CRYM: variants seen among roughly 807,000 people sequenced by gnomAD.
CRYM encodes the protein crystallin mu.
In CRYM, 18 loss-of-function variants were observed where a neutral mutation model predicts 32.9. The ratio of observed to expected loss-of-function variants is 0.55; its 90% confidence interval spans 0.38 to 0.81. CRYM has a LOEUF of 0.81. Ranked by LOEUF, CRYM falls within the 30% of genes least tolerant of loss-of-function variation. CRYM has a pLI of 0.00. For missense variants in CRYM, 337 were observed against 393.5 expected, an observed-to-expected ratio of 0.86 and a Z score of 1.21; for synonymous variants, 153 against 152.4, an observed-to-expected ratio of 1.00 and a Z score of -0.03.
chr16:21,299,580 G>C (rs1437362255), intron 1 of CRYM, among the ~76,000 whole-genome samples: 1 of 152,210 alleles, frequency 6.6e-6, no homozygotes, highest in East Asian at 1.9e-4. Flanking sequence ...GAAGTGCTGG[G>C]ATTACAGGCG....
rs2093384837 is a variant in CRYM at position 21,275,706 on chromosome 16, C to G, written c.325-112G>C. On this transcript the variant is annotated intron_variant, in intron 2 of 7. Transcript: ENST00000572914. ...AAGTTTTATAGCATCCTACAAACAGCATGGGTTTGGCGTCAGACCTGGATC... is the reference window on the plus strand; with the variant it reads ...AAGTTTTATAGCATCCTACAAACAGGATGGGTTTGGCGTCAGACCTGGATC... 1.1e-5 allele frequency: 9 copies of G among 857,096 alleles called. 1 individual carries two copies. The highest frequency in any genetic ancestry group is 8.4e-5 in the South Asian group (6 of 71,324). The allele number at this position is 857,096 out of a possible 1,614,324, so 53.1% of individuals were successfully genotyped here. A position where few individuals can be genotyped will look rare whatever the true frequency, so the allele number is the denominator to read the frequency against.
At chr16:21,266,192 C>T (rs1473888117) in intron 5 of CRYM, among the ~76,000 whole-genome samples, 1 of 152,084 alleles carries the variant, frequency 6.6e-6, no homozygotes, top group Non-Finnish European at 1.5e-5. Flanking sequence ...CCACTGCACT[C>T]CAGCCTGGGT....
upstream of CRYM, among the ~76,000 whole-genome samples, chr16:21,281,767 C>T (rs12932517): frequency 0.077 from 11,700 of 152,222 alleles, 615 homozygotes; most frequent in Non-Finnish European, 0.11. Flanking sequence ...AATTGTAATA[C>T]ATTTAAATGC....
chr16:21,301,666 C>CCCGCACCTCCTGCCTT (rs1410423673), intron 1 of CRYM, among the ~76,000 whole-genome samples: 2 of 152,232 alleles, frequency 1.3e-5, no homozygotes, highest in Non-Finnish European at 2.9e-5. Context: ...GACAGCTTCA[C>CCCGCACCTCCTGCCTT]CCGCACCTCC....
intron 1 of CRYM, among the ~76,000 whole-genome samples, chr16:21,301,526 T>A (rs1246082386): frequency 1.3e-5 from 2 of 152,004 alleles, no homozygotes; most frequent in Non-Finnish European, 2.9e-5. Flanking sequence ...AACGTTGGGC[T>A]GGTGAGGCAA....
intron 3 of CRYM, among the ~76,000 whole-genome samples, chr16:21,270,574 G>A (rs971321248): frequency 1.1e-4 from 16 of 152,106 alleles, no homozygotes; most frequent in Non-Finnish European, 1.5e-5. Context: ...GTGAGCCACC[G>A]CACCTAGCCA....
chr16:21,267,081 C>T (rs1358874482), intron 5 of CRYM, among the ~76,000 whole-genome samples: 1 of 152,070 alleles, frequency 6.6e-6, no homozygotes, highest in Non-Finnish European at 1.5e-5. Flanking sequence ...TTCCCTTTTA[C>T]ATTTCTTGGA....
intron 3 of CRYM, among the ~76,000 whole-genome samples, chr16:21,275,165 A>C (rs1228002042): frequency 6.6e-6 from 1 of 152,236 alleles, no homozygotes; most frequent in Non-Finnish European, 1.5e-5. Context: ...CAGTCCTGGA[A>C]GCCAGAGAGG....
intron 1 of CRYM, among the ~76,000 whole-genome samples, chr16:21,296,563 G>A (rs954282000): frequency 1.3e-5 from 2 of 152,100 alleles, no homozygotes; most frequent in African/African-American, 4.8e-5. Context: ...TAACACCAAG[G>A]AATATTCTAA....
At chr16:21,275,701 A>G (rs962797624) in intron 2 of CRYM, 107 bp from the exon 3 acceptor site, 24 of 883,018 alleles carry the variant, frequency 2.7e-5, no homozygotes, top group Non-Finnish European at 4.3e-5. Context: ...GCATCCTACA[A>G]ACAGCATGGG....
intron 1 of CRYM, among the ~76,000 whole-genome samples, chr16:21,293,092 A>T (rs1960704247): frequency 6.6e-6 from 1 of 152,204 alleles, no homozygotes; most frequent in East Asian, 1.9e-4. Context: ...AGATTCATAC[A>T]TGTATAGTCA....
At chr16:21,269,932 C>T in intron 3 of CRYM, 41 bp from the exon 4 acceptor site, 1 of 1,424,348 alleles carries the variant, frequency 7.0e-7, no homozygotes, top group South Asian at 1.1e-5. Context: ...AAGGGAGACC[C>T]TAGCAGACGG....
At chr16:21,282,079 T>C (rs560068687), upstream of CRYM, among the ~76,000 whole-genome samples, 18 of 152,320 alleles carry the variant, frequency 1.2e-4, no homozygotes, top group East Asian at 3.3e-3. Context: ...GACTGAATCA[T>C]GGAGGCGGGT....
chr16:21,276,125 C>T (rs554067780), intron 2 of CRYM, among the ~76,000 whole-genome samples: 1 of 152,302 alleles, frequency 6.6e-6, no homozygotes, highest in African/African-American at 2.4e-5. Context: ...CCAGGTGATT[C>T]CGATACACAG....
intron 5 of CRYM, chr16:21,262,360 G>GT: frequency 1.9e-6 from 1 of 532,182 alleles, no homozygotes; most frequent in Non-Finnish European, 3.4e-6. Flanking sequence ...GCTCACACCT[G>GT]TAATCCCAGC....
At chr16:21,300,039 G>A (rs117254697) in intron 1 of CRYM, 1,726 of 152,306 alleles carry the variant, frequency 0.011, 20 homozygotes, top group Non-Finnish European at 0.017. Flanking sequence ...CTAATGGTGG[G>A]GAGTATTTGG....
chr16:21,272,059 C>A (rs961474127), intron 3 of CRYM, among the ~76,000 whole-genome samples: 2 of 147,750 alleles, frequency 1.4e-5, no homozygotes, highest in Non-Finnish European at 3.0e-5. Flanking sequence ...GATGGGGTTT[C>A]GCCATGTTGG....
Position 21,258,719 on chromosome 16 carries a change from A to C in CRYM, c.*62T>G, listed in dbSNP as rs2093348842. 8 of 1,449,352 alleles carry C rather than the reference A, an allele frequency of 5.5e-6. No homozygotes were observed. The highest frequency in any genetic ancestry group is 7.8e-6 in the Non-Finnish European group (8 of 1,031,154). The allele number at this position is 1,449,352 out of a possible 1,614,324, so 89.8% of individuals were successfully genotyped here. A position where few individuals can be genotyped will look rare whatever the true frequency, so the allele number is the denominator to read the frequency against. On this transcript the variant is annotated 3_prime_UTR_variant, in exon 8 of 8. Transcript: ENST00000572914. ...GACTGGACTCCCTCATTTACTCTAG[A>C]AATTATGAGAACCAGCAGCAATATT...
chr16:21,293,815 T>C (rs1960722981), intron 1 of CRYM, among the ~76,000 whole-genome samples: 1 of 152,172 alleles, frequency 6.6e-6, no homozygotes, highest in South Asian at 2.1e-4. Context: ...CTAATCAAAA[T>C]ATTACCATTC....
Sources: allele counts gnomAD v4.1 joint callset (sites outside exome capture counted in the v4.1 genomes callset), GRCh38; gene constraint gnomAD v4.1.1; transcripts MANE v1.5; gene names NCBI Gene and HGNC (gene_info 2026-07-23, HGNC 2026-07-21).